Variants in C2CD5 observed in about 807,000 individuals in gnomAD.
The protein encoded by C2CD5 is C2 domain-containing protein 5.
In C2CD5, 109 loss-of-function variants were observed where a neutral mutation model predicts 130.3. The observed-to-expected ratio is 0.84, with a 90% CI of 0.72 to 0.98. The LOEUF is 0.98. Among genes scored for constraint, C2CD5 ranks in the 50% least tolerant of loss-of-function variants. The pLI is 0.00. For missense variants in C2CD5, 996 were observed against 1,261.8 expected (o/e 0.79, Z 3.19); for synonymous variants, 454 against 429.2 (o/e 1.06, Z -0.71).
intron 2 of C2CD5, among the ~76,000 whole-genome samples, chr12:22,541,962 G>A (rs1021546144): frequency 3.9e-5 from 6 of 152,162 alleles, no homozygotes; most frequent in African/African-American, 1.2e-4. Flanking sequence ...GTTCAAAGAA[G>A]GAAGTAATAA....
At chr12:22,524,693 A>T (rs1950578725) in intron 5 of C2CD5, 66 bp from the exon 6 acceptor site, 1 of 1,244,304 alleles carries the variant, frequency 8.0e-7, no homozygotes, top group East Asian at 2.3e-5. Flanking sequence ...AAAAATGTAC[A>T]TCTCAATTTT....
intron 22 of C2CD5, 102 bp from the exon 23 acceptor site, chr12:22,459,644 GA>G (rs917077711): frequency 3.1e-6 from 2 of 644,052 alleles, no homozygotes; most frequent in African/African-American, 3.7e-5. Flanking sequence ...AGAATAGGAG[GA>G]AATCTTTATG....
chr12:22,479,302 G>A (rs557993511), intron 14 of C2CD5, among the ~76,000 whole-genome samples: 88 of 152,080 alleles, frequency 5.8e-4, no homozygotes, highest in African/African-American at 2.1e-3. Flanking sequence ...TCCAACTCCT[G>A]ACCTCAATTG....
At chr12:22,523,281 G>A (rs1950427906) in intron 7 of C2CD5, 145 bp downstream of exon 7, 4 of 580,628 alleles carry the variant, frequency 6.9e-6, no homozygotes, top group Non-Finnish European at 1.2e-5. Context: ...ATATTTTTAA[G>A]TTTTAAATTT....
At chr12:22,534,419 T>A (rs1951630633) in intron 3 of C2CD5, among the ~76,000 whole-genome samples, 1 of 152,150 alleles carries the variant, frequency 6.6e-6, no homozygotes, top group Non-Finnish European at 1.5e-5. Flanking sequence ...CAAAGAAAAT[T>A]ATCAAGAAAG....
intron 9 of C2CD5, among the ~76,000 whole-genome samples, chr12:22,507,342 A>G (rs1229402094): frequency 6.6e-6 from 1 of 152,242 alleles, no homozygotes; most frequent in East Asian, 1.9e-4. Flanking sequence ...ATAGTGGCAA[A>G]TATCAAGTTG....
chr12:22,506,187 CT>C (rs1948512872), intron 10 of C2CD5, among the ~76,000 whole-genome samples: 3 of 152,134 alleles, frequency 2.0e-5, no homozygotes, highest in Admixed American at 2.0e-4. Flanking sequence ...TTACATAGGT[CT>C]TGTTGTGTTG....
rs184584582 is a variant in C2CD5 at position 22,485,038 on chromosome 12, A to G, written c.1359-150T>C. On this transcript the variant is annotated intron_variant, in intron 12 of 26. Coordinates refer to ENST00000446597, the MANE Select transcript of C2CD5 (RefSeq NM_001286176.2). ...GGCTACAAAAGTACCACTAAGGCTG[A>G]TAAGAATTGAAAATGACCATGAAAT... 9.6e-6 allele frequency: 4 copies of G among 414,858 alleles called. No individual in the cohort carries two copies. The East Asian group carries it at 1.1e-4, about 11-fold the overall frequency. 25.7% of individuals were successfully genotyped at this position (414,858 alleles called of 1,614,324 possible).
chr12:22,482,151 A>G (rs1944824010), intron 14 of C2CD5, among the ~76,000 whole-genome samples: 1 of 152,124 alleles, frequency 6.6e-6, no homozygotes, highest in South Asian at 2.1e-4. Flanking sequence ...GGGGGATGCT[A>G]CTAGCTTATA....
chr12:22,455,292 G>A lies in C2CD5; in HGVS notation c.2878-1250C>T, dbSNP rs117059294. Among the ~76,000 whole-genome samples the A allele has an allele frequency of 4.1e-3, 621 of 152,272 alleles. 14 individuals carry two copies. Among genetic ancestry groups the A allele is most frequent in the Admixed American group, 0.026 (396 of 15,284 alleles). On this transcript the variant is annotated intron_variant, in intron 25 of 26. Coordinates refer to ENST00000446597, the MANE Select transcript of C2CD5 (RefSeq NM_001286176.2). ...AAATTCTGATGACACAGTAGCTACA[G>A]AGGATTAATTTTAAAAATATTAATT...
At position 22,525,710 on chromosome 12, in the gene C2CD5, A is replaced by G. The variant is rs768641681; in HGVS notation, c.350-5T>C. 7.3e-7 allele frequency: 1 copy of G among 1,369,456 alleles called. No homozygotes were observed. Among genetic ancestry groups the G allele is most frequent in the Non-Finnish European group, 1.0e-6 (1 of 962,810 alleles). 84.8% of individuals were successfully genotyped at this position (1,369,456 alleles called of 1,614,324 possible). The stretch of plus-strand genomic sequence containing the variant: ...CATTGATTTCCCCACGGATACCTAT[A>G]AATTTAAAAAGAAAATCAAGTTTCT... On this transcript the variant is annotated splice_polypyrimidine_tract_variant and splice_region_variant and intron_variant, in intron 4 of 26. Coordinates refer to ENST00000446597, the MANE Select transcript of C2CD5 (RefSeq NM_001286176.2).
At chr12:22,524,871 T>C (rs750390916) in intron 5 of C2CD5, among the ~76,000 whole-genome samples, 4 of 152,150 alleles carry the variant, frequency 2.6e-5, no homozygotes, top group African/African-American at 4.8e-5. Flanking sequence ...TAAACTGCAT[T>C]TGTATAATTT....
intron 7 of C2CD5, chr12:22,519,152 C>G: frequency 4.6e-6 from 7 of 1,535,964 alleles, no homozygotes; most frequent in Non-Finnish European, 5.2e-6. Flanking sequence ...CAGAGAAGTT[C>G]TGAGTAAGTC....
At chr12:22,469,222 A>C (rs1942614458) in intron 22 of C2CD5, among the ~76,000 whole-genome samples, 2 of 152,154 alleles carry the variant, frequency 1.3e-5, no homozygotes, top group South Asian at 4.1e-4. Flanking sequence ...AATGTTCTTC[A>C]ATTATTGCCA....
chr12:22,471,502 A>G lies in C2CD5; in HGVS notation c.2269-14T>C, dbSNP rs1380207963. On this transcript the variant is annotated splice_polypyrimidine_tract_variant and intron_variant, in intron 19 of 26. Transcript: ENST00000446597. ...AAAGTACAGGCTCTACACAATAGAA[A>G]ATATTAGTAATGTCACTTTTTTATT... 2.2e-5 allele frequency: 31 copies of G among 1,384,188 alleles called. No homozygotes were observed. Among genetic ancestry groups the G allele is most frequent in the Non-Finnish European group, 2.9e-5 (29 of 1,003,564 alleles). 85.7% of individuals were successfully genotyped at this position (1,384,188 alleles called of 1,614,324 possible).
Position 22,544,163 on chromosome 12 carries a change from G to C in C2CD5, c.-13C>G. 6.2e-7 allele frequency: 1 copy of C among 1,613,630 alleles called. No homozygotes were observed. The highest frequency in any genetic ancestry group is 8.5e-7 in the Non-Finnish European group (1 of 1,179,624). On this transcript the variant is annotated 5_prime_UTR_variant, in exon 2 of 27. Transcript: ENST00000446597. ...GCTTCCCTGGCATGGTCTCGGTTTC[G>C]GCCTCTTCTTGGGCTCCTGCAGAAA...
At position 22,544,066 on chromosome 12, in the gene C2CD5, C is replaced by T. The variant is rs762469412; in HGVS notation, c.85G>A (p.Val29Met). The change falls in exon 2 of 27, where the codon GTG becomes ATG. Residue 29 changes from valine (V) to methionine (M), a missense_variant. Physicochemically the swap from Val to Met is conservative, Grantham distance 21. This residue lies in a region of C2CD5 where 68 missense variants were observed against 154.5 expected (regional missense o/e 0.44). Coordinates refer to ENST00000446597, the MANE Select transcript of C2CD5 (RefSeq NM_001286176.2). ...DRASDLTDAF[V>M]EVKFGNTTFK... ...GGGCAGGACCCTGCACCAACCTCCA[C>T]GAAGGCATCAGTCAGGTCACTAGCA... 4.3e-6 allele frequency: 7 copies of T among 1,612,604 alleles called. No homozygotes were observed. The highest frequency in any genetic ancestry group is 5.9e-6 in the Non-Finnish European group (7 of 1,178,732).
chr12:22,485,713 G>A (rs1945397858), intron 12 of C2CD5, among the ~76,000 whole-genome samples: 1 of 151,954 alleles, frequency 6.6e-6, no homozygotes, highest in South Asian at 2.1e-4. Flanking sequence ...TTATAAGAGG[G>A]TACAAAAGGA....
intron 10 of C2CD5, among the ~76,000 whole-genome samples, chr12:22,505,258 T>C (rs78216016): frequency 2.4e-3 from 351 of 144,886 alleles, no homozygotes; most frequent in Middle Eastern, 0.014. Context: ...TTCTTTCTTT[T>C]TTTTTTTTTT....
Sources: gnomAD v4.1 joint callset for allele counts (sites outside exome capture counted in the v4.1 genomes callset) on GRCh38, gnomAD v4.1.1 for gene constraint, gnomAD v4.1.1 regional missense constraint, MANE v1.5 for transcripts, NCBI Gene and HGNC (gene_info 2026-07-23, HGNC 2026-07-21) for gene names.